PARD3B: variants seen among roughly 807,000 people sequenced by gnomAD.
The protein encoded by PARD3B is par-3 family cell polarity regulator beta, also known as partitioning defective 3 homolog B.
A neutral mutation model predicts 130.2 loss-of-function variants in PARD3B; 103 were observed. The observed-to-expected ratio is 0.79, with a 90% CI of 0.67 to 0.93. The LOEUF is 0.93. Ranked by LOEUF, PARD3B falls within the 40% of genes least tolerant of loss-of-function variation. The pLI is 0.00. For missense variants in PARD3B, 1,609 were observed against 1,499.2 expected (o/e 1.07, Z -1.21); for synonymous variants, 583 against 553.2 (o/e 1.05, Z -0.76).
chr2:205,212,089 C>A (rs1033245555), intron 15 of PARD3B, among the ~76,000 whole-genome samples: 2 of 151,898 alleles, frequency 1.3e-5, no homozygotes, highest in African/African-American at 4.8e-5. Context: ...CCCAGAAAGG[C>A]CAGAGGGAAA....
chr2:205,056,020 T>C (rs1575658790), intron 4 of PARD3B, among the ~76,000 whole-genome samples: 1 of 152,098 alleles, frequency 6.6e-6, no homozygotes, highest in East Asian at 1.9e-4. Flanking sequence ...GGTTGTGTCT[T>C]CCATAGGTTC....
chr2:205,020,713 G>A (rs563793023), intron 3 of PARD3B, among the ~76,000 whole-genome samples: 109 of 152,160 alleles, frequency 7.2e-4, no homozygotes, highest in Non-Finnish European at 1.2e-3. Context: ...GTGTGTTGTC[G>A]AAGTCAGATG....
chr2:205,329,380 T>A (rs1290308372), intron 18 of PARD3B, among the ~76,000 whole-genome samples: 1 of 152,208 alleles, frequency 6.6e-6, no homozygotes, highest in Non-Finnish European at 1.5e-5. Flanking sequence ...ATTCACCCAC[T>A]CCTAAGCTAG....
chr2:204,632,151 A>G (rs1378370664), intron 1 of PARD3B, among the ~76,000 whole-genome samples: 3 of 152,078 alleles, frequency 2.0e-5, no homozygotes, highest in Non-Finnish European at 4.4e-5. Context: ...CATGAAATCT[A>G]GTCATTTTAA....
chr2:204,555,220 A>G (rs1025890358), intron 1 of PARD3B, among the ~76,000 whole-genome samples: 5 of 152,130 alleles, frequency 3.3e-5, no homozygotes, highest in African/African-American at 4.8e-5. Context: ...TCTGAATGCC[A>G]GTTTGTTTTG....
intron 21 of PARD3B, among the ~76,000 whole-genome samples, chr2:205,506,451 A>T (rs2050369755): frequency 6.6e-6 from 1 of 152,218 alleles, no homozygotes. Flanking sequence ...CATCTGAAAG[A>T]TTTGTTCATT....
intron 19 of PARD3B, among the ~76,000 whole-genome samples, chr2:205,415,566 A>C (rs1487058494): frequency 6.6e-6 from 1 of 152,156 alleles, no homozygotes; most frequent in African/African-American, 2.4e-5. Context: ...ATCAGTGACC[A>C]ATTCATCCCA....
intron 1 of PARD3B, among the ~76,000 whole-genome samples, chr2:204,549,392 A>T (rs571051722): frequency 1.3e-5 from 2 of 152,160 alleles, no homozygotes; most frequent in Admixed American, 1.3e-4. Flanking sequence ...ATCGTTGAGT[A>T]ATTAGTTAAA....
rs527328788 is a variant in PARD3B at position 204,571,889 on chromosome 2, G to A, written c.120+25770G>A. 7.9e-5 allele frequency among the ~76,000 whole-genome samples: 12 copies of A among 152,284 alleles called. No homozygotes were observed. The South Asian group carries it at 2.5e-3, about 32-fold the overall frequency. On this transcript the variant is annotated intron_variant, in intron 1 of 22. Coordinates refer to ENST00000406610, the MANE Select transcript of PARD3B (RefSeq NM_001302769.2). ...GTCCTTAATTAAATAATGTGTGTGTGTAATTATTATTGCCGTGGCTACATG... is the reference window on the plus strand; with the variant it reads ...GTCCTTAATTAAATAATGTGTGTGTATAATTATTATTGCCGTGGCTACATG...
At chr2:205,599,265 A>C (rs528529042) in intron 22 of PARD3B, among the ~76,000 whole-genome samples, 1 of 152,228 alleles carries the variant, frequency 6.6e-6, no homozygotes, top group African/African-American at 2.4e-5. Context: ...TTAAAGGCTC[A>C]TGGTAGATCT....
chr2:204,717,024 T>C (rs1374166206), intron 2 of PARD3B, among the ~76,000 whole-genome samples: 2 of 152,176 alleles, frequency 1.3e-5, no homozygotes, highest in East Asian at 3.9e-4. Context: ...AGTGGGGTAC[T>C]TGGGAGAAAT....
rs535842181 is a variant in PARD3B, at chr2:205,330,851, T to C, written c.2630+29150T>C. ...AAGGAGGTAGGGAAGAGTTGGGTGTTAATTTCTAAACTATAATGTGGTTCC... is the reference window on the plus strand; with the variant it reads ...AAGGAGGTAGGGAAGAGTTGGGTGTCAATTTCTAAACTATAATGTGGTTCC... On this transcript the variant is annotated intron_variant, in intron 18 of 22. Transcript: ENST00000406610. Among the ~76,000 whole-genome samples, 5 of 152,224 alleles carry C rather than the reference T, an allele frequency of 3.3e-5. No homozygotes were observed. In the East Asian group the frequency reaches 9.7e-4, roughly 29 times the overall value.
In PARD3B at chr2:204,998,352, ATATATATG is replaced by A. The variant is rs1480334965; in HGVS notation, c.394+33031_394+33038del. Among the ~76,000 whole-genome samples the A allele has an allele frequency of 3.0e-3, 225 of 74,858 alleles. 11 individuals are homozygous for A. The highest frequency in any genetic ancestry group is 0.01 in the African/African-American group (156 of 14,970). 49.1% of individuals were successfully genotyped at this position (74,858 alleles called of 152,430 possible). On this transcript the variant is annotated intron_variant, in intron 3 of 22. Coordinates refer to ENST00000406610, the MANE Select transcript of PARD3B (RefSeq NM_001302769.2). ...TATATATATATATATATATATATATATATATATGTGTGTGTGTGTGTGTATATATGTGT... is the reference window on the plus strand; with the variant it reads ...TATATATATATATATATATATATATATGTGTGTGTGTGTGTATATATGTGT...
intron 2 of PARD3B, among the ~76,000 whole-genome samples, chr2:204,734,845 C>G (rs1000655331): frequency 6.6e-6 from 1 of 151,928 alleles, no homozygotes; most frequent in African/African-American, 2.4e-5. Flanking sequence ...ATGCATCTAT[C>G]AAAACTCAAA....
chr2:205,615,454 A>G lies in PARD3B; in HGVS notation c.3261-2A>G, dbSNP rs367572022. ...AACATGTGTCTCTTCTTCTCTTTCC[A>G]GGGGAGGACCCGCAGATCCTGTAGA... On this transcript the variant is annotated splice_acceptor_variant, in intron 22 of 22. Coordinates refer to ENST00000406610, the MANE Select transcript of PARD3B (RefSeq NM_001302769.2). LOFTEE classifies it high-confidence loss of function. The G allele has an allele frequency of 1.9e-6, 3 of 1,585,448 alleles. No individual in the cohort carries two copies. The highest frequency in any genetic ancestry group is 1.4e-5 in the African/African-American group (1 of 74,008).
chr2:205,446,377 A>G lies in PARD3B; in HGVS notation c.3044+5705A>G, dbSNP rs1050693328. Among the ~76,000 whole-genome samples the G allele has an allele frequency of 9.2e-5, 14 of 152,228 alleles. No homozygotes were observed. The highest frequency in any genetic ancestry group is 1.8e-4 in the Non-Finnish European group (12 of 68,038). ...AATTCAATAGGCTGTTTAATAGCATAGGCGGTTTATCCTCATCTACTTATT... is the reference window on the plus strand; with the variant it reads ...AATTCAATAGGCTGTTTAATAGCATGGGCGGTTTATCCTCATCTACTTATT... On this transcript the variant is annotated intron_variant, in intron 20 of 22. Transcript: ENST00000406610. The surrounding 1 kb of genome is among the most constrained non-coding windows in gnomAD (Gnocchi z 4.4).
intron 4 of PARD3B, among the ~76,000 whole-genome samples, chr2:205,058,421 C>T (rs202089042): frequency 6.6e-6 from 1 of 151,876 alleles, no homozygotes; most frequent in Non-Finnish European, 1.5e-5. Context: ...ATATCTCTTC[C>T]AGACTCTGCT....
In PARD3B at chr2:205,351,521, C is replaced by T. The variant is rs140542200; in HGVS notation, c.2631-49492C>T. 7.0e-4 allele frequency among the ~76,000 whole-genome samples: 107 copies of T among 152,038 alleles called. No homozygotes were observed. The highest frequency in any genetic ancestry group is 2.4e-3 in the Admixed American group (37 of 15,234). On this transcript the variant is annotated intron_variant, in intron 18 of 22. Coordinates refer to ENST00000406610, the MANE Select transcript of PARD3B (RefSeq NM_001302769.2). The surrounding 1 kb of genome is among the most constrained non-coding windows in gnomAD (Gnocchi z 4.2). Reference sequence around the variant, plus strand: ...AAGCAATTTGGGCTGGAGTGAGAGGCGAGGAAGAAAGCCACAGCCAAGACT... The same window carrying T: ...AAGCAATTTGGGCTGGAGTGAGAGGTGAGGAAGAAAGCCACAGCCAAGACT...
At chr2:204,562,964 G>C (rs182048114) in intron 1 of PARD3B, among the ~76,000 whole-genome samples, 84 of 152,120 alleles carry the variant, frequency 5.5e-4, no homozygotes, top group African/African-American at 2.0e-3. Context: ...TCACTCTATC[G>C]CTCTGTGTTT....
Sources: gnomAD v4.1 joint callset for allele counts (sites outside exome capture counted in the v4.1 genomes callset) on GRCh38, gnomAD v4.1.1 for gene constraint, Gnocchi (gnomAD v3.1) non-coding constraint, MANE v1.5 for transcripts, NCBI Gene and HGNC (gene_info 2026-07-23, HGNC 2026-07-21) for gene names.